Variants in MCCC1 observed in about 807,000 individuals in gnomAD.
The protein encoded by MCCC1 is methylcrotonoyl-CoA carboxylase subunit alpha, mitochondrial.
In MCCC1, 64 loss-of-function variants were observed where a neutral mutation model predicts 83.8. That is an observed-to-expected ratio of 0.76 (90% CI 0.62 to 0.94). The LOEUF is 0.94. MCCC1 is among the 40% of genes least tolerant of loss of function. The pLI is 0.00. For missense variants in MCCC1, 807 were observed against 904.7 expected (o/e 0.89, Z 1.39); for synonymous variants, 322 against 315.4 (o/e 1.02, Z -0.22).
chr3:183,103,736 C>T (rs940425698), upstream of MCCC1, among the ~76,000 whole-genome samples: 14 of 152,232 alleles, frequency 9.2e-5, no homozygotes, highest in Admixed American at 7.2e-4. Context: ...CAGTCCCGCG[C>T]CGTGCGCCCG....
At chr3:183,091,026 A>C (rs1369059652) in intron 3 of MCCC1, 1 of 456,624 alleles carries the variant, frequency 2.2e-6, no homozygotes, top group Non-Finnish European at 4.4e-6. Flanking sequence ...AATCAAGATC[A>C]TCCTGCTGCA....
At chr3:183,104,024 C>A (rs942433839), upstream of MCCC1, among the ~76,000 whole-genome samples, 1 of 152,094 alleles carries the variant, frequency 6.6e-6, no homozygotes, top group Non-Finnish European at 1.5e-5. Context: ...CCGGCAGGGC[C>A]GGCCGGCTAC....
intron 11 of MCCC1, among the ~76,000 whole-genome samples, chr3:183,041,070 A>C (rs909840417): frequency 3.3e-5 from 5 of 152,248 alleles, no homozygotes; most frequent in African/African-American, 1.2e-4. Flanking sequence ...CAGTGCCTGT[A>C]AGTAGGAAGT....
At chr3:183,103,022 C>A (rs150215350), upstream of MCCC1, among the ~76,000 whole-genome samples, 3 of 151,894 alleles carry the variant, frequency 2.0e-5, no homozygotes, top group African/African-American at 7.2e-5. Flanking sequence ...TCACTGACTT[C>A]AAGAATGAAA....
In MCCC1 at chr3:183,064,927, C is replaced by CA. The variant is rs1234838407; in HGVS notation, c.761+6071dup. The stretch of plus-strand genomic sequence containing the variant: ...TTGCTTTCCCCATCCTGCCACAAAG[C>CA]AATGCTTTTCTCCCTTCCCTTCCCT... On this transcript the variant is annotated intron_variant, in intron 7 of 18. Coordinates refer to ENST00000265594, the MANE Select transcript of MCCC1 (RefSeq NM_020166.5). This position sits in a 1 kb window ranked among gnomAD's most constrained non-coding sequence, Gnocchi z 4.5. 4.6e-5 allele frequency among the ~76,000 whole-genome samples: 7 copies of CA among 152,022 alleles called. No individual in the cohort carries two copies. The highest frequency in any genetic ancestry group is 7.2e-5 in the African/African-American group (3 of 41,532).
chr3:183,059,179 C>G (rs1410567733), intron 7 of MCCC1, among the ~76,000 whole-genome samples: 1 of 152,112 alleles, frequency 6.6e-6, no homozygotes. Flanking sequence ...TGGTGGCACA[C>G]ACCTGTAATC....
At position 183,106,482 on chromosome 3, in the gene MCCC1, T is replaced by TTTTCTTTCTTTC. The variant is rs144890143; in HGVS notation, c.-102+8980_-102+8991dup. On this transcript the variant is annotated intron_variant, in intron 1 of 17. Coordinates refer to the MCCC1 transcript ENST00000492597. ...AGATTTCCCAAATGTTTCTTTGTTC[T>TTTTCTTTCTTTC]TTTCTTTCTTTCTTTCTTTCTTTCT... is the stretch of plus-strand genomic sequence containing the variant. Among the ~76,000 whole-genome samples, 318 of 147,068 alleles carry TTTTCTTTCTTTC rather than the reference T, an allele frequency of 2.2e-3. 5 individuals are homozygous for TTTTCTTTCTTTC. In the Middle Eastern group the frequency reaches 0.038, roughly 17 times the overall value.
intron 7 of MCCC1, among the ~76,000 whole-genome samples, chr3:183,070,681 C>A (rs931390100): frequency 6.6e-6 from 1 of 151,596 alleles, no homozygotes; most frequent in African/African-American, 2.4e-5. Context: ...TGCAATGAGC[C>A]GAGATCGTGC....
At position 183,044,212 on chromosome 3, in the gene MCCC1, G is replaced by A. The variant is rs145124839; in HGVS notation, c.1083+1201C>T. ...GGAACCACGAATCCTACATATATCA[G>A]GACCGTCTATATTACTTAACAGATT... On this transcript the variant is annotated intron_variant, in intron 10 of 18. Coordinates refer to ENST00000265594, the MANE Select transcript of MCCC1 (RefSeq NM_020166.5). 2.7e-4 allele frequency among the ~76,000 whole-genome samples: 41 copies of A among 152,236 alleles called. No individual in the cohort carries two copies. In the East Asian group the frequency reaches 7.5e-3, roughly 28 times the overall value.
At chr3:183,103,958 C>T (rs184178502), upstream of MCCC1, among the ~76,000 whole-genome samples, 3,259 of 152,280 alleles carry the variant, frequency 0.021, 120 homozygotes, top group African/African-American at 0.075. Flanking sequence ...TGCTGGGGGA[C>T]CCAGTACACC....
At position 183,057,330 on chromosome 3, in the gene MCCC1, A is replaced by T; in HGVS notation, c.854T>A (p.Ile285Asn). The stretch of plus-strand genomic sequence containing the variant: ...CCTTACCGCTGGGGCCTCCTCAATG[A>T]TCTTCTGATGTCGCCTCTGCACACT... Reference protein sequence around the residue: ...DCSVQRRHQKIIEEAPAPGIK... With the variant: ...DCSVQRRHQKNIEEAPAPGIK... Residue 285 changes from isoleucine to asparagine, a missense_variant, in exon 8 of 19, where the codon ATC (isoleucine) becomes AAC (asparagine). Coordinates refer to ENST00000265594, the MANE Select transcript of MCCC1 (RefSeq NM_020166.5). 1 of 1,607,666 alleles carries T rather than the reference A, an allele frequency of 6.2e-7. No individual in the cohort carries two copies. Among genetic ancestry groups the T allele is most frequent in the Non-Finnish European group, 8.5e-7 (1 of 1,176,292 alleles).
chr3:183,024,931 T>C (rs1712459446), intron 15 of MCCC1, among the ~76,000 whole-genome samples: 1 of 149,930 alleles, frequency 6.7e-6, no homozygotes, highest in Non-Finnish European at 1.5e-5. Context: ...ATATGTGGTA[T>C]ATACATACAA....
At chr3:183,026,753 T>C (rs952829453) in intron 14 of MCCC1, among the ~76,000 whole-genome samples, 5 of 152,304 alleles carry the variant, frequency 3.3e-5, no homozygotes, top group Admixed American at 3.3e-4. Flanking sequence ...AAGTTTTTGG[T>C]TGAGAATGGA....
intron 11 of MCCC1, among the ~76,000 whole-genome samples, chr3:183,040,089 T>C: frequency 1.2e-5 from 1 of 84,288 alleles, no homozygotes; most frequent in Admixed American, 2.0e-4. Flanking sequence ...AGAGTGAAAC[T>C]CCATCTCAGA....
intron 4 of MCCC1, among the ~76,000 whole-genome samples, chr3:183,085,223 C>T (rs759977570): frequency 1.3e-5 from 2 of 151,920 alleles, no homozygotes; most frequent in Non-Finnish European, 2.9e-5. Context: ...TGTTGTTGTC[C>T]CTACCTTTGC....
intron 11 of MCCC1, 41 bp from the exon 12 acceptor site, chr3:183,039,176 C>A (rs371204611): frequency 8.3e-6 from 13 of 1,562,578 alleles, no homozygotes; most frequent in Non-Finnish European, 1.1e-5. Flanking sequence ...AGTCAAAACA[C>A]GAAGGAATAA....
At chr3:183,065,168 G>A (rs1454807138) in intron 7 of MCCC1, among the ~76,000 whole-genome samples, 2 of 152,024 alleles carry the variant, frequency 1.3e-5, no homozygotes, top group Non-Finnish European at 2.9e-5. Flanking sequence ...TGTTTAAGAT[G>A]GCCCAGCAAA....
chr3:183,101,201 C>T (rs940868048), upstream of MCCC1, among the ~76,000 whole-genome samples: 1 of 152,260 alleles, frequency 6.6e-6, no homozygotes, highest in African/African-American at 2.4e-5. Flanking sequence ...GGCTCCTGTG[C>T]GGCCCAAGCC....
chr3:183,034,888 C>T (rs1713438748), intron 13 of MCCC1, among the ~76,000 whole-genome samples: 1 of 152,006 alleles, frequency 6.6e-6, no homozygotes, highest in Admixed American at 6.6e-5. Flanking sequence ...AGTGATTCTC[C>T]TGCCTCAGCC....
Sources: allele counts gnomAD v4.1 joint callset (sites outside exome capture counted in the v4.1 genomes callset), GRCh38; gene constraint gnomAD v4.1.1; non-coding constraint Gnocchi (gnomAD v3.1); transcripts MANE v1.5; gene names NCBI Gene and HGNC (gene_info 2026-07-23, HGNC 2026-07-21).